Variants in TRDN observed in about 807,000 individuals in gnomAD.
TRDN encodes triadin in skeletal muscle.
A neutral mutation model predicts 149.7 loss-of-function variants in TRDN; 161 were observed. The ratio of observed to expected loss-of-function variants is 1.08; its 90% CI spans 0.95 to 1.23. TRDN has a LOEUF of 1.23. Among genes scored for constraint, TRDN ranks in the 50% most tolerant of loss-of-function variants. The probability of loss-of-function intolerance (pLI) is 0.00; values close to 1 mark genes in which losing one functional copy is unlikely to be tolerated. For missense variants in TRDN, 896 were observed against 823.5 expected (o/e 1.09, Z -1.08); for synonymous variants, 294 against 250.5 (o/e 1.17, Z -1.64).
At chr6:123,552,831 G>A (rs1781462619) in intron 2 of TRDN, among the ~76,000 whole-genome samples, 1 of 152,046 alleles carries the variant, frequency 6.6e-6, no homozygotes, top group African/African-American at 2.4e-5. Flanking sequence ...CTTTTGCCAT[G>A]TCTATAAAAT....
chr6:123,503,742 G>A lies in TRDN; in HGVS notation c.770C>T (p.Ala257Val). ...PKEKEDKEKA[A>V]VSKHEQKDQY... ...ACCTTTCTGTTCATGCTTTGACACA[G>A]CTGCTTTCTCTTTGTCCTCCTTTTC... The change falls in exon 8 of 41, where the codon GCT becomes GTT. Residue 257 changes from alanine to valine, a missense_variant. Physicochemically the swap from Ala to Val is moderately conservative, Grantham distance 64. Transcript: ENST00000334268. 4 of 1,613,666 alleles carry A rather than the reference G, an allele frequency of 2.5e-6. No homozygotes were observed. The highest frequency in any genetic ancestry group is 3.4e-6 in the Non-Finnish European group (4 of 1,179,800).
intron 1 of TRDN, among the ~76,000 whole-genome samples, chr6:123,576,253 C>T (rs1782852851): frequency 6.6e-6 from 1 of 152,020 alleles, no homozygotes; most frequent in Non-Finnish European, 1.5e-5. Context: ...AAAGCTCAAA[C>T]ATAATAAATT....
rs115279653 is a variant in TRDN at position 123,223,091 on chromosome 6, T to C, written c.2014+1002A>G. Among the ~76,000 whole-genome samples, 428 of 151,956 alleles carry C rather than the reference T, an allele frequency of 2.8e-3. 5 individuals carry two copies. The highest frequency in any genetic ancestry group is 1.0e-2 in the African/African-American group (415 of 41,518). On this transcript the variant is annotated intron_variant, in intron 39 of 40. Coordinates refer to ENST00000334268, the MANE Select transcript of TRDN (RefSeq NM_006073.4). Reference sequence around the variant, plus strand: ...ACTATTGTGGAAAGCAGTGTGATGATTCCTCAAAGAGCTAAAAACAGAACT... The same window carrying C: ...ACTATTGTGGAAAGCAGTGTGATGACTCCTCAAAGAGCTAAAAACAGAACT...
At chr6:123,313,677 C>T (rs1405039044) in intron 24 of TRDN, among the ~76,000 whole-genome samples, 7 of 151,650 alleles carry the variant, frequency 4.6e-5, no homozygotes, top group Admixed American at 6.6e-5. Flanking sequence ...AGACATAGAC[C>T]GATAGAACAG....
intron 10 of TRDN, among the ~76,000 whole-genome samples, chr6:123,449,752 C>G (rs546624227): frequency 1.3e-5 from 2 of 152,232 alleles, no homozygotes; most frequent in South Asian, 2.1e-4. Flanking sequence ...AGATCATCAC[C>G]TAGGCACATT....
intron 40 of TRDN, 40 bp downstream of exon 40, chr6:123,221,447 A>T: frequency 6.9e-7 from 1 of 1,439,014 alleles, no homozygotes; most frequent in Non-Finnish European, 9.6e-7. Flanking sequence ...CATCTTTAAT[A>T]CAGAATGATT....
At chr6:123,534,206 T>C (rs557797075) in intron 4 of TRDN, among the ~76,000 whole-genome samples, 34 of 152,276 alleles carry the variant, frequency 2.2e-4, no homozygotes, top group African/African-American at 7.9e-4. Context: ...TATCAACTAT[T>C]TTTAACTGAA....
intron 1 of TRDN, among the ~76,000 whole-genome samples, chr6:123,605,958 T>A (rs1373457519): frequency 6.6e-6 from 1 of 152,158 alleles, no homozygotes; most frequent in Non-Finnish European, 1.5e-5. Flanking sequence ...CCTCATTATC[T>A]CTGTGAAAGA....
chr6:123,537,389 A>G (rs934967211), intron 4 of TRDN, among the ~76,000 whole-genome samples: 4 of 152,160 alleles, frequency 2.6e-5, no homozygotes, highest in Non-Finnish European at 5.9e-5. Context: ...TTGAGAGGAC[A>G]AGGATAGATT....
chr6:123,277,020 G>A (rs142789664), intron 26 of TRDN, among the ~76,000 whole-genome samples: 2 of 152,156 alleles, frequency 1.3e-5, no homozygotes, highest in East Asian at 3.9e-4. Context: ...CTAGGTTTTG[G>A]ATTTGCTTAG....
chr6:123,584,100 G>T (rs1783285100), intron 1 of TRDN, among the ~76,000 whole-genome samples: 2 of 152,078 alleles, frequency 1.3e-5, no homozygotes, highest in Non-Finnish European at 2.9e-5. Flanking sequence ...ATGGGGAAAT[G>T]GGGTGAATGT....
At chr6:123,422,147 A>T (rs1196145103) in intron 12 of TRDN, among the ~76,000 whole-genome samples, 2 of 152,170 alleles carry the variant, frequency 1.3e-5, no homozygotes, top group Non-Finnish European at 2.9e-5. Flanking sequence ...GGTTATATGC[A>T]AATATTATCT....
intron 20 of TRDN, among the ~76,000 whole-genome samples, chr6:123,356,616 T>C (rs1780695114): frequency 6.8e-6 from 1 of 147,990 alleles, no homozygotes; most frequent in African/African-American, 2.5e-5. Context: ...GAATATTACC[T>C]CTTTTTCTAT....
chr6:123,430,940 A>G (rs1377202366), intron 12 of TRDN, among the ~76,000 whole-genome samples: 1 of 152,202 alleles, frequency 6.6e-6, no homozygotes, highest in Non-Finnish European at 1.5e-5. Flanking sequence ...AAAACAGATT[A>G]GCTTCCAGAG....
intron 24 of TRDN, among the ~76,000 whole-genome samples, chr6:123,284,070 G>T (rs1044604260): frequency 9.6e-5 from 12 of 124,420 alleles, no homozygotes; most frequent in African/African-American, 3.3e-4. Context: ...TAAATAAAAT[G>T]CACTAACTCT....
At chr6:123,318,936 G>C (rs148714810) in intron 23 of TRDN, among the ~76,000 whole-genome samples, 1 of 152,026 alleles carries the variant, frequency 6.6e-6, no homozygotes, top group Non-Finnish European at 1.5e-5. Flanking sequence ...ACTGGCTTTA[G>C]TGTTATGTGA....
chr6:123,504,977 G>A (rs1778852797), intron 7 of TRDN, among the ~76,000 whole-genome samples: 1 of 152,042 alleles, frequency 6.6e-6, no homozygotes, highest in Non-Finnish European at 1.5e-5. Flanking sequence ...CGGGCATGGC[G>A]GCTCATGCCT....
intron 20 of TRDN, among the ~76,000 whole-genome samples, chr6:123,353,744 A>G (rs1780553829): frequency 6.6e-6 from 1 of 151,752 alleles, no homozygotes; most frequent in African/African-American, 2.4e-5. Context: ...TTGAATATGC[A>G]CTGGTTAGAA....
chr6:123,262,529 C>T (rs1776808708), intron 33 of TRDN, among the ~76,000 whole-genome samples: 1 of 151,982 alleles, frequency 6.6e-6, no homozygotes. Context: ...CTAAGAGGTG[C>T]TCAATAAATA....
Sources: gnomAD v4.1 joint callset for allele counts (sites outside exome capture counted in the v4.1 genomes callset) on GRCh38, gnomAD v4.1.1 for gene constraint, MANE v1.5 for transcripts, NCBI Gene and HGNC (gene_info 2026-07-23, HGNC 2026-07-21) for gene names.